Variants in ZBTB16 observed in about 807,000 individuals in gnomAD.
ZBTB16 encodes zinc finger and BTB domain-containing protein 16.
In ZBTB16, 8 loss-of-function variants were observed where a neutral mutation model predicts 56.8. That is an observed-to-expected ratio of 0.14 (90% CI 0.08 to 0.25). ZBTB16 has a LOEUF of 0.25. Ranked by LOEUF, ZBTB16 falls within the 10% of genes least tolerant of loss-of-function variation. ZBTB16 has a pLI of 1.00. For missense variants in ZBTB16, 625 were observed against 903.0 expected (o/e 0.69, Z 3.95); for synonymous variants, 363 against 368.5 (o/e 0.98, Z 0.17).
At chr11:114,108,456 G>A (rs112986256) in intron 2 of ZBTB16, among the ~76,000 whole-genome samples, 151 of 152,300 alleles carry the variant, frequency 9.9e-4, no homozygotes, top group Non-Finnish European at 1.9e-3. Context: ...GGGCTTATTT[G>A]CAGGTCTTCT....
chr11:114,186,847 G>A, intron 3 of ZBTB16, 105 bp from the exon 4 acceptor site: 4 of 1,104,526 alleles, frequency 3.6e-6, no homozygotes, highest in Non-Finnish European at 5.5e-6. Context: ...TTTTGCGGGT[G>A]TCCAGTCCCC....
In ZBTB16 at chr11:114,150,205, C is replaced by T. The variant is rs182039463; in HGVS notation, c.1269-6132C>T. Among the ~76,000 whole-genome samples, 3 of 152,200 alleles carry T rather than the reference C, an allele frequency of 2.0e-5. No individual in the cohort carries two copies. In the East Asian group the frequency reaches 5.8e-4, roughly 29 times the overall value. ...ATTCCTTGGGAAGACATGATGTCAC[C>T]CTTAGAAGGAAGGGAACATTCCCCA... On this transcript the variant is annotated intron_variant, in intron 2 of 6. Transcript: ENST00000335953.
At position 114,256,029 on chromosome 11, in the gene ZBTB16, T is replaced by G. The variant is rs991373339; in HGVS notation, c.*5474T>G. Among the ~76,000 whole-genome samples, 20 of 119,394 alleles carry G rather than the reference T, an allele frequency of 1.7e-4. No homozygotes were observed. The highest frequency in any genetic ancestry group is 3.3e-4 in the Non-Finnish European group (18 of 54,486). 78.3% of individuals were successfully genotyped at this position (119,394 alleles called of 152,430 possible). On this transcript the variant is annotated 3_prime_UTR_variant, in exon 7 of 7. Coordinates refer to ENST00000335953, the MANE Select transcript of ZBTB16 (RefSeq NM_006006.6). ...AGTACTTGGTTTTGTTTTGTTTTTT[T>G]TTTTTGTTTTTTTTGCCTTTTCTTG... is the stretch of plus-strand genomic sequence containing the variant.
At chr11:114,203,989 C>A (rs911750687) in intron 4 of ZBTB16, among the ~76,000 whole-genome samples, 6 of 151,080 alleles carry the variant, frequency 4.0e-5, no homozygotes, top group Non-Finnish European at 1.5e-5. Context: ...GAAAAGCCAG[C>A]CATCATCTGG....
At chr11:114,170,460 C>T (rs755990437) in intron 3 of ZBTB16, among the ~76,000 whole-genome samples, 12 of 152,200 alleles carry the variant, frequency 7.9e-5, no homozygotes, top group Admixed American at 2.6e-4. Context: ...GAGAGAGGGG[C>T]GGATACCTCT....
intron 2 of ZBTB16, among the ~76,000 whole-genome samples, chr11:114,142,283 C>T (rs1941972018): frequency 6.6e-6 from 1 of 152,052 alleles, no homozygotes; most frequent in Admixed American, 6.5e-5. Flanking sequence ...TTTCTCCTTC[C>T]CACCCCCTTC....
At chr11:114,104,236 T>C (rs1940712036) in intron 2 of ZBTB16, among the ~76,000 whole-genome samples, 2 of 152,210 alleles carry the variant, frequency 1.3e-5, no homozygotes, top group African/African-American at 4.8e-5. Context: ...TTATGGTCAT[T>C]GCTACTTTGA....
intron 1 of ZBTB16, among the ~76,000 whole-genome samples, chr11:114,061,717 G>A (rs1430376277): frequency 6.6e-6 from 1 of 152,288 alleles, no homozygotes; most frequent in South Asian, 2.1e-4. Flanking sequence ...TTGGAGTCTA[G>A]GAGCCCTCTT....
chr11:114,065,310 C>G, intron 2 of ZBTB16, among the ~76,000 whole-genome samples: 1 of 152,234 alleles, frequency 6.6e-6, no homozygotes. Context: ...CCGTTTCCTT[C>G]TCTATGAAAT....
At chr11:114,169,560 A>G (rs958679661) in intron 3 of ZBTB16, among the ~76,000 whole-genome samples, 3 of 152,180 alleles carry the variant, frequency 2.0e-5, no homozygotes, top group Admixed American at 2.0e-4. Flanking sequence ...TTCATCAGTT[A>G]GCAACTGAAC....
intron 3 of ZBTB16, among the ~76,000 whole-genome samples, chr11:114,180,495 G>T (rs1169396304): frequency 6.6e-6 from 1 of 152,164 alleles, no homozygotes; most frequent in African/African-American, 2.4e-5. Context: ...ACATGCTGAT[G>T]AGAGGGAGAT....
intron 4 of ZBTB16, among the ~76,000 whole-genome samples, chr11:114,221,024 C>T (rs934634182): frequency 3.3e-5 from 5 of 152,188 alleles, no homozygotes; most frequent in South Asian, 2.1e-4. Context: ...CACGGTGATC[C>T]GTGGTGGTTT....
At chr11:114,080,005 A>C (rs1939703703) in intron 2 of ZBTB16, among the ~76,000 whole-genome samples, 1 of 152,210 alleles carries the variant, frequency 6.6e-6, no homozygotes, top group African/African-American at 2.4e-5. Flanking sequence ...AAGAACAGAA[A>C]AGAAAACAAA....
intron 2 of ZBTB16, among the ~76,000 whole-genome samples, chr11:114,138,031 T>A (rs1344267169): frequency 6.6e-6 from 1 of 152,154 alleles, no homozygotes; most frequent in African/African-American, 2.4e-5. Context: ...GGGCAGAGCC[T>A]GTCATGGAGT....
At chr11:114,089,489 A>G (rs1042205980) in intron 2 of ZBTB16, among the ~76,000 whole-genome samples, 1 of 152,154 alleles carries the variant, frequency 6.6e-6, no homozygotes, top group Non-Finnish European at 1.5e-5. Context: ...CCAACCTGGC[A>G]GGTAGCACAG....
At chr11:114,081,372 C>T (rs925866458) in intron 2 of ZBTB16, among the ~76,000 whole-genome samples, 9 of 151,822 alleles carry the variant, frequency 5.9e-5, no homozygotes, top group Admixed American at 3.9e-4. Context: ...TGGGACTTTT[C>T]CTTGAAGAGC....
At chr11:114,103,153 T>C (rs1016227447) in intron 2 of ZBTB16, among the ~76,000 whole-genome samples, 11 of 152,246 alleles carry the variant, frequency 7.2e-5, no homozygotes, top group African/African-American at 2.4e-4. Context: ...CTGTAAGGGC[T>C]GAGGGAGCCT....
At chr11:114,128,442 C>T (rs1158875465) in intron 2 of ZBTB16, among the ~76,000 whole-genome samples, 2 of 152,200 alleles carry the variant, frequency 1.3e-5, no homozygotes, top group Non-Finnish European at 2.9e-5. Context: ...GGTTTGAATC[C>T]GAGCTCCAAC....
intron 4 of ZBTB16, among the ~76,000 whole-genome samples, chr11:114,197,413 C>CATAT (rs1461522568): frequency 1.3e-5 from 2 of 152,140 alleles, no homozygotes; most frequent in African/African-American, 4.8e-5. Flanking sequence ...GTCTAGGAGG[C>CATAT]ATATACTCTG....
Sources: gnomAD v4.1 joint callset for allele counts (sites outside exome capture counted in the v4.1 genomes callset) on GRCh38, gnomAD v4.1.1 for gene constraint, MANE v1.5 for transcripts, NCBI Gene and HGNC (gene_info 2026-07-23, HGNC 2026-07-21) for gene names.